ST6GAL2: variants seen among roughly 807,000 people sequenced by gnomAD.
The protein encoded by ST6GAL2 is beta-galactoside alpha-2,6-sialyltransferase 2.
In ST6GAL2, 24 loss-of-function variants were observed where a neutral mutation model predicts 37.5. The ratio of observed to expected loss-of-function variants is 0.64; its 90% confidence interval spans 0.46 to 0.90. The LOEUF is 0.90. Among genes scored for constraint, ST6GAL2 ranks in the 40% least tolerant of loss-of-function variants. The pLI is 0.00. For synonymous variants in ST6GAL2, 306 were observed against 295.1 expected, an observed-to-expected ratio of 1.04 and a Z score of -0.38; for missense variants, 715 against 712.7, an observed-to-expected ratio of 1.00 and a Z score of -0.04.
At chr2:106,876,153 TG>T (rs1400066732) in intron 1 of ST6GAL2, among the ~76,000 whole-genome samples, 2 of 35,456 alleles carry the variant, frequency 5.6e-5, no homozygotes, top group Non-Finnish European at 1.4e-4. Context: ...TTTTAAAGTG[TG>T]TTTTTTTTCA....
At chr2:106,841,599 G>C (rs1212429835) in intron 2 of ST6GAL2, among the ~76,000 whole-genome samples, 1 of 152,192 alleles carries the variant, frequency 6.6e-6, no homozygotes, top group Non-Finnish European at 1.5e-5. Context: ...AAGAAGGGGG[G>C]TTCCGGGAGC....
chr2:106,864,916 C>A (rs964852827), intron 1 of ST6GAL2, among the ~76,000 whole-genome samples: 2 of 152,066 alleles, frequency 1.3e-5, no homozygotes, highest in African/African-American at 4.8e-5. Flanking sequence ...AAATGTTTTA[C>A]AATAATCTCT....
intron 1 of ST6GAL2, among the ~76,000 whole-genome samples, chr2:106,856,151 A>G (rs1482056068): frequency 1.3e-5 from 2 of 152,232 alleles, no homozygotes; most frequent in Admixed American, 1.3e-4. Flanking sequence ...CAAATAAACT[A>G]TAACTCCCAT....
Position 106,866,658 on chromosome 2 carries a change from C to T in ST6GAL2, c.-58+19435G>A, listed in dbSNP as rs371353962. Among the ~76,000 whole-genome samples, 13 of 152,312 alleles carry T rather than the reference C, an allele frequency of 8.5e-5. No individual in the cohort carries two copies. The East Asian group carries it at 1.5e-3, about 18-fold the overall frequency. ...CTTTAAGAAACACAACCGACCAAGG[C>T]CCCTATCATGTCCTTTCTTATTTCC... On this transcript the variant is annotated intron_variant, in intron 1 of 5. Transcript: ENST00000409382.
intron 1 of ST6GAL2, among the ~76,000 whole-genome samples, chr2:106,871,326 T>C (rs1208104813): frequency 6.6e-6 from 1 of 152,178 alleles, no homozygotes; most frequent in Non-Finnish European, 1.5e-5. Context: ...GTGAAGGTCT[T>C]AGGACATTAC....
Position 106,807,323 on chromosome 2 carries a change from GT to G in ST6GAL2, c.1319-375del, listed in dbSNP as rs1453475235. Among the ~76,000 whole-genome samples, 3 of 152,108 alleles carry G rather than the reference GT, an allele frequency of 2.0e-5. 1 individual carries two copies. The highest frequency in any genetic ancestry group is 2.0e-4 in the Admixed American group (3 of 15,274). ...ACATTCTATACACATGTCCCATCTGGTTTGCAATGATGGGACAGTTATGTTC... is the reference window on the plus strand; with the variant it reads ...ACATTCTATACACATGTCCCATCTGGTTGCAATGATGGGACAGTTATGTTC... On this transcript the variant is annotated intron_variant, in intron 5 of 5. Coordinates refer to ENST00000409382, the MANE Select transcript of ST6GAL2 (RefSeq NM_001142351.2).
At chr2:106,862,770 T>C (rs1677861266) in intron 1 of ST6GAL2, among the ~76,000 whole-genome samples, 1 of 152,210 alleles carries the variant, frequency 6.6e-6, no homozygotes, top group Non-Finnish European at 1.5e-5. Flanking sequence ...GGCTTTACTT[T>C]ATGACCCAGG....
chr2:106,823,482 C>G (rs1356783774), intron 5 of ST6GAL2, among the ~76,000 whole-genome samples: 43 of 95,458 alleles, frequency 4.5e-4, no homozygotes, highest in African/African-American at 1.7e-3. Context: ...CACACACACA[C>G]ACACAGAGAG....
chr2:106,862,451 T>C (rs915691969), intron 1 of ST6GAL2, among the ~76,000 whole-genome samples: 2 of 152,228 alleles, frequency 1.3e-5, no homozygotes, highest in Non-Finnish European at 2.9e-5. Context: ...TTATTTAAAG[T>C]GTCAGATGAA....
Position 106,843,493 on chromosome 2 carries a change from G to A in ST6GAL2, c.485C>T (p.Ala162Val). The change falls in exon 2 of 6, where the codon GCT (alanine) becomes GTT (valine). Residue 162 changes from alanine (A) to valine (V), a missense_variant. Physicochemically the swap from Ala to Val is moderately conservative, Grantham distance 64 (BLOSUM62 0). Transcript: ENST00000409382. ...SPGEPGPREG[A>V]FPAAQVQRRR... ...CCTCTGGACCTGTGCAGCCGGAAAA[G>A]CCCCCTCCCGTGGGCCTGGCTCCCC... The A allele has an allele frequency of 6.2e-7, 1 of 1,614,028 alleles. No homozygotes were observed. The highest frequency in any genetic ancestry group is 8.5e-7 in the Non-Finnish European group (1 of 1,180,004).
Position 106,804,527 on chromosome 2 carries a change from C to T in ST6GAL2, c.*2151G>A, listed in dbSNP as rs964496492. On this transcript the variant is annotated 3_prime_UTR_variant, in exon 6 of 6. Coordinates refer to ENST00000409382, the MANE Select transcript of ST6GAL2 (RefSeq NM_001142351.2). ...CACACATGTAAACATAAGGACAAGA[C>T]AAAGTTTTTTCAAGAAATTAGAAAG... The T allele has an allele frequency of 2.6e-5, 4 of 152,144 alleles. No homozygotes were observed. The highest frequency in any genetic ancestry group is 5.9e-5 in the Non-Finnish European group (4 of 68,038). 9.4% of individuals were successfully genotyped at this position (152,144 alleles called of 1,614,324 possible). A position where few individuals can be genotyped will look rare whatever the true frequency, so the allele number is the denominator to read the frequency against.
At chr2:106,877,077 G>C (rs1021415529) in intron 1 of ST6GAL2, among the ~76,000 whole-genome samples, 1 of 152,206 alleles carries the variant, frequency 6.6e-6, no homozygotes, top group African/African-American at 2.4e-5. Context: ...ATCATGCAGA[G>C]ATGTTCATTT....
chr2:106,822,060 G>A (rs961351188), intron 5 of ST6GAL2, among the ~76,000 whole-genome samples: 11 of 152,086 alleles, frequency 7.2e-5, no homozygotes, highest in African/African-American at 2.7e-4. Context: ...CATACTGAAT[G>A]GAGAAAAATT....
Position 106,865,173 on chromosome 2 carries a change from A to T in ST6GAL2, c.-58+20920T>A, listed in dbSNP as rs116189052. ...AATGAAATAAAAGAATCAGAAAGTGATGAGTGTGAAGTATTTGCCATCTTT... is the reference window on the plus strand; with the variant it reads ...AATGAAATAAAAGAATCAGAAAGTGTTGAGTGTGAAGTATTTGCCATCTTT... On this transcript the variant is annotated intron_variant, in intron 1 of 5. Coordinates refer to ENST00000409382, the MANE Select transcript of ST6GAL2 (RefSeq NM_001142351.2). 1.3e-3 allele frequency among the ~76,000 whole-genome samples: 191 copies of T among 152,348 alleles called. 1 individual carries two copies. The highest frequency in any genetic ancestry group is 4.4e-3 in the African/African-American group (182 of 41,576).
chr2:106,836,960 A>AAAAAAAAAAC (rs1676672925), intron 2 of ST6GAL2, among the ~76,000 whole-genome samples: 1 of 150,660 alleles, frequency 6.6e-6, no homozygotes, highest in African/African-American at 2.4e-5. Context: ...AAAAAAAAAA[A>AAAAAAAAAAC]AAGAATTGAA....
chr2:106,818,330 G>A (rs1675882088), intron 5 of ST6GAL2, among the ~76,000 whole-genome samples: 1 of 152,202 alleles, frequency 6.6e-6, no homozygotes, highest in South Asian at 2.1e-4. Flanking sequence ...TCACAGAGGT[G>A]CTTTTGTCCC....
chr2:106,865,568 C>T (rs573166553), intron 1 of ST6GAL2, among the ~76,000 whole-genome samples: 2 of 152,280 alleles, frequency 1.3e-5, no homozygotes, highest in African/African-American at 2.4e-5. Flanking sequence ...TAGCAAAATT[C>T]GTTACACCTC....
rs748564648 is a variant in ST6GAL2 at position 106,841,604 on chromosome 2, G to A, written c.943+1431C>T. Among the ~76,000 whole-genome samples the A allele has an allele frequency of 1.3e-4, 20 of 152,280 alleles. 1 individual carries two copies. In the East Asian group the frequency reaches 2.1e-3, roughly 16 times the overall value. ...TTAGCCTGGGAAGAAGGGGGGTTCC[G>A]GGAGCAAAGGGATCTGAAACTGCTG... On this transcript the variant is annotated intron_variant, in intron 2 of 5. Coordinates refer to ENST00000409382, the MANE Select transcript of ST6GAL2 (RefSeq NM_001142351.2).
chr2:106,880,517 T>C (rs1678705038), intron 1 of ST6GAL2, among the ~76,000 whole-genome samples: 1 of 152,240 alleles, frequency 6.6e-6, no homozygotes, highest in African/African-American at 2.4e-5. Flanking sequence ...GTAGAGGTTC[T>C]TGCATGTTGA....
Sources: gnomAD v4.1 joint callset for allele counts (sites outside exome capture counted in the v4.1 genomes callset) on GRCh38, gnomAD v4.1.1 for gene constraint, MANE v1.5 for transcripts, NCBI Gene and HGNC (gene_info 2026-07-23, HGNC 2026-07-21) for gene names.